Variants in SNRNP200 observed in about 807,000 individuals in gnomAD.
SNRNP200 encodes the protein small nuclear ribonucleoprotein U5 subunit 200.
Under a neutral mutation model 255.2 loss-of-function variants are expected in SNRNP200, and 66 were observed. The observed-to-expected ratio is 0.26, with a 90% CI of 0.21 to 0.32. The LOEUF (loss-of-function observed/expected upper bound fraction) is 0.32. SNRNP200 is among the 10% of genes least tolerant of loss of function. SNRNP200 has a pLI of 1.00. For missense variants in SNRNP200, 1,585 were observed against 2,749.8 expected (o/e 0.58, Z 9.47); for synonymous variants, 939 against 1,027.8 (o/e 0.91, Z 1.65).
chr2:96,295,737 G>A (rs1293313079), intron 13 of SNRNP200, 79 bp from the exon 14 acceptor site: 3 of 1,475,812 alleles, frequency 2.0e-6, no homozygotes, highest in Non-Finnish European at 2.8e-6. Context: ...CAATTGGAGT[G>A]TAGGGCATTG....
rs1285571562 is a variant in SNRNP200 at position 96,275,305 on chromosome 2, G to A, written c.6219C>T (p.Ser2073=). Residue 2073 remains serine, a synonymous_variant, in exon 44 of 45, where the codon TCC becomes TCT. Coordinates refer to ENST00000323853, the MANE Select transcript of SNRNP200 (RefSeq NM_014014.5). ...GCCTCTTGATGGAGATGAGGCTATT[G>A]GACTTGGCATCTCCAATCACCACCC... The part of the protein sequence containing the change: ...GWWVVIGDAK[S]NSLISIKRLT... 2.5e-6 allele frequency: 4 copies of A among 1,613,834 alleles called. No homozygotes were observed. The highest frequency in any genetic ancestry group is 2.7e-5 in the African/African-American group (2 of 74,906).
chr2:96,293,262 G>A (rs968507445), intron 15 of SNRNP200, 54 bp downstream of exon 15: 2 of 1,591,362 alleles, frequency 1.3e-6, no homozygotes, highest in African/African-American at 2.7e-5. Context: ...TGGAAAAGAG[G>A]AAAGAGAGCA....
At chr2:96,303,422 G>C (rs1663223411) in intron 2 of SNRNP200, 92 bp from the exon 3 acceptor site, 3 of 1,450,114 alleles carry the variant, frequency 2.1e-6, no homozygotes, top group Middle Eastern at 2.2e-4. Flanking sequence ...TCAGCTTCAT[G>C]GCAAGAAGTT....
Position 96,287,688 on chromosome 2 carries a change from C to G in SNRNP200, c.3366-131G>C. ...ATTAAAGGCAGACACTGACACTGTG[C>G]CAGCCCTGGCCTCCACCACAGAGGG... On this transcript the variant is annotated intron_variant, in intron 25 of 44. Coordinates refer to ENST00000323853, the MANE Select transcript of SNRNP200 (RefSeq NM_014014.5). The surrounding 1 kb of genome is among the most constrained non-coding windows in gnomAD (Gnocchi z 5.7). 1.1e-6 allele frequency: 1 copy of G among 912,658 alleles called. No individual in the cohort carries two copies. Among genetic ancestry groups the G allele is most frequent in the South Asian group, 1.3e-5 (1 of 76,126 alleles). 56.5% of individuals were successfully genotyped at this position (912,658 alleles called of 1,614,324 possible). A position where few individuals can be genotyped will look rare whatever the true frequency, so the allele number is the denominator to read the frequency against.
At position 96,284,464 on chromosome 2, in the gene SNRNP200, G is replaced by A; in HGVS notation, c.4286C>T (p.Pro1429Leu). Residue 1429 changes from proline to leucine, a missense_variant, in exon 31 of 45, where the codon CCT becomes CTT. This residue lies in a region of SNRNP200 where 719 missense variants were observed against 1,091.1 expected (regional missense o/e 0.66). Transcript: ENST00000323853. Reference protein sequence around the residue: ...LGKGNIIISTPEKWDILSRRW... With the variant: ...LGKGNIIISTLEKWDILSRRW... ...CCGGGAAAGTATGTCCCACTTCTCA[G>A]GGGTGCTGATGATAATGTTCCCTTT... is the stretch of plus-strand genomic sequence containing the variant. 1 of 1,614,204 alleles carries A rather than the reference G, an allele frequency of 6.2e-7. No homozygotes were observed. The highest frequency in any genetic ancestry group is 8.5e-7 in the Non-Finnish European group (1 of 1,180,034).
Position 96,292,963 on chromosome 2 carries a change from C to A in SNRNP200, c.2160+9G>T, listed in dbSNP as rs750311572. 5 of 1,613,794 alleles carry A rather than the reference C, an allele frequency of 3.1e-6. No homozygotes were observed. The highest frequency in any genetic ancestry group is 1.3e-5 in the African/African-American group (1 of 74,902). On this transcript the variant is annotated intron_variant, in intron 16 of 44. Coordinates refer to ENST00000323853, the MANE Select transcript of SNRNP200 (RefSeq NM_014014.5). ...GGGGTTCAAGAGTAACCATAAACCA[C>A]GGGCAAACCTGATTTTTTCCAGCAT...
At chr2:96,275,484 A>T (rs903198848) in intron 43 of SNRNP200, 135 bp from the exon 44 acceptor site, 1 of 782,532 alleles carries the variant, frequency 1.3e-6, no homozygotes, top group Non-Finnish European at 2.2e-6. Context: ...ATACAATTAG[A>T]TTTAACATTT....
Position 96,297,394 on chromosome 2 carries a change from G to C in SNRNP200, c.1346C>G (p.Ala449Gly). The change falls in exon 11 of 45, where the codon GCT becomes GGT. Residue 449 changes from alanine to glycine, a missense_variant. Ala to Gly is a moderately conservative substitution (Grantham distance 60). Coordinates refer to ENST00000323853, the MANE Select transcript of SNRNP200 (RefSeq NM_014014.5). Reference protein sequence around the residue: ...RKGYEEVHVPALKPKPFGSEE... With the variant: ...RKGYEEVHVPGLKPKPFGSEE... ...TGAGCCAAAGGGCTTGGGCTTCAGA[G>C]CAGGCACATGCACCTCTTCATAGCC... 1 of 1,614,058 alleles carries C rather than the reference G, an allele frequency of 6.2e-7. No homozygotes were observed. The highest frequency in any genetic ancestry group is 8.5e-7 in the Non-Finnish European group (1 of 1,180,044).
chr2:96,293,091 G>A lies in SNRNP200; in HGVS notation c.2041C>T (p.Arg681Cys), dbSNP rs959069360. Residue 681 changes from arginine to cysteine, a missense_variant, in exon 16 of 45, where the codon CGT (arginine) becomes TGT (cysteine). By Grantham distance (180) the Arg-to-Cys change is radical (BLOSUM62 -3). This residue lies in a region of SNRNP200 where 140 missense variants were observed against 274.9 expected (regional missense o/e 0.51). Transcript: ENST00000323853. Reference protein sequence around the residue: ...KGLFYFDNSFRPVPLEQTYVG... With the variant: ...KGLFYFDNSFCPVPLEQTYVG... ...TATGTCTGTTCCAGAGGCACTGGAC[G>A]GAAGCTAGAAGTTCAACAGTTAGAC... 1 of 1,614,130 alleles carries A rather than the reference G, an allele frequency of 6.2e-7. No homozygotes were observed.
At position 96,283,472 on chromosome 2, in the gene SNRNP200, C is replaced by G; in HGVS notation, c.4763+63G>C. On this transcript the variant is annotated intron_variant, in intron 33 of 44. Coordinates refer to ENST00000323853, the MANE Select transcript of SNRNP200 (RefSeq NM_014014.5). The surrounding 1 kb of genome is among the most constrained non-coding windows in gnomAD (Gnocchi z 4.7). ...TAACCCCACCCTCATAAAGAGGACACCCTTGGAGTAGGCCAGCCTCACTTA... is the reference window on the plus strand; with the variant it reads ...TAACCCCACCCTCATAAAGAGGACAGCCTTGGAGTAGGCCAGCCTCACTTA... 1 of 1,613,016 alleles carries G rather than the reference C, an allele frequency of 6.2e-7. No homozygotes were observed. The highest frequency in any genetic ancestry group is 8.5e-7 in the Non-Finnish European group (1 of 1,179,268).
At chr2:96,279,642 A>T (rs747283772) in intron 35 of SNRNP200, 83 bp from the exon 36 acceptor site, 25 of 838,416 alleles carry the variant, frequency 3.0e-5, no homozygotes, top group Non-Finnish European at 4.4e-5. Context: ...TTCGCCAAGT[A>T]AGAGTAAAAT....
chr2:96,283,509 AC>A lies in SNRNP200; in HGVS notation c.4763+25del. 6.2e-7 allele frequency: 1 copy of A among 1,608,960 alleles called. No homozygotes were observed. The stretch of plus-strand genomic sequence containing the variant: ...GCCAGCCTCACTTAACCTAACCCCA[AC>A]CCCCAGACGCCAGGCCCCACCTACC... On this transcript the variant is annotated intron_variant, in intron 33 of 44. Coordinates refer to ENST00000323853, the MANE Select transcript of SNRNP200 (RefSeq NM_014014.5). The surrounding 1 kb of genome is among the most constrained non-coding windows in gnomAD (Gnocchi z 4.7).
chr2:96,299,210 A>C lies in SNRNP200; in HGVS notation c.729+119T>G. On this transcript the variant is annotated intron_variant, in intron 6 of 44. Coordinates refer to ENST00000323853, the MANE Select transcript of SNRNP200 (RefSeq NM_014014.5). Reference sequence around the variant, plus strand: ...AAGAAACTCTAGACACTAAGTGTTTATTATAGTTCACTCCAGCAAAAAGTG... The same window carrying C: ...AAGAAACTCTAGACACTAAGTGTTTCTTATAGTTCACTCCAGCAAAAAGTG... 5 of 1,022,014 alleles carry C rather than the reference A, an allele frequency of 4.9e-6. No individual in the cohort carries two copies. In the East Asian group the frequency reaches 1.2e-4, roughly 24 times the overall value. 63.3% of individuals were successfully genotyped at this position (1,022,014 alleles called of 1,614,324 possible).
chr2:96,278,763 CTG>C lies in SNRNP200; in HGVS notation c.5323+44_5323+45del. The C allele has an allele frequency of 6.2e-7, 1 of 1,614,198 alleles. No individual in the cohort carries two copies. The highest frequency in any genetic ancestry group is 2.2e-5 in the East Asian group (1 of 44,882). ...GCCTCAAGAAGATGCCCAGCAAAGACTGTGAGAACCACCAAAGGATCACGTGT... is the reference window on the plus strand; with the variant it reads ...GCCTCAAGAAGATGCCCAGCAAAGACTGAGAACCACCAAAGGATCACGTGT... On this transcript the variant is annotated intron_variant, in intron 37 of 44. Coordinates refer to ENST00000323853, the MANE Select transcript of SNRNP200 (RefSeq NM_014014.5). This position sits in a 1 kb window ranked among gnomAD's most constrained non-coding sequence, Gnocchi z 6.9.
In SNRNP200 at chr2:96,290,025, A is replaced by T; in HGVS notation, c.2743-29T>A. 10 of 1,607,996 alleles carry T rather than the reference A, an allele frequency of 6.2e-6. No individual in the cohort carries two copies. The highest frequency in any genetic ancestry group is 8.5e-6 in the Non-Finnish European group (10 of 1,174,446). ...CAAGACACAGCTCATGGTTCTTAGC[A>T]TGGAGAAACTCTTGATGTCCAAATG... On this transcript the variant is annotated intron_variant, in intron 20 of 44. Coordinates refer to ENST00000323853, the MANE Select transcript of SNRNP200 (RefSeq NM_014014.5). The surrounding 1 kb of genome is among the most constrained non-coding windows in gnomAD (Gnocchi z 4.5).
Position 96,304,748 on chromosome 2 carries a change from C to A in SNRNP200, c.166G>T (p.Ala56Ser). Residue 56 changes from alanine to serine, a missense_variant, in exon 2 of 45, where the codon GCT (alanine) becomes TCT (serine). By Grantham distance (99) the Ala-to-Ser change is moderately conservative. Around this residue, in one of 9 missense-constraint regions of SNRNP200, gnomAD observed 383 missense variants for 645.3 expected, o/e 0.59. Coordinates refer to ENST00000323853, the MANE Select transcript of SNRNP200 (RefSeq NM_014014.5). Reference protein sequence around the residue: ...KLEGTRMGDKAQRTKPQMQEE... With the variant: ...KLEGTRMGDKSQRTKPQMQEE... ...TGCATCTGCGGTTTGGTCCGTTGAGCCTTGTCTCCCATACGGGTGCCCTCC... is the reference window on the plus strand; with the variant it reads ...TGCATCTGCGGTTTGGTCCGTTGAGACTTGTCTCCCATACGGGTGCCCTCC... 4.3e-6 allele frequency: 7 copies of A among 1,614,218 alleles called. No homozygotes were observed. Among genetic ancestry groups the A allele is most frequent in the Non-Finnish European group, 5.1e-6 (6 of 1,180,020 alleles).
At chr2:96,298,213 T>A in intron 9 of SNRNP200, 71 bp downstream of exon 9, 2 of 1,603,550 alleles carry the variant, frequency 1.2e-6, no homozygotes, top group Non-Finnish European at 1.7e-6. Flanking sequence ...AACATGAATT[T>A]AGCTTCATGC....
In SNRNP200 at chr2:96,275,284, C is replaced by T. The variant is rs773825003; in HGVS notation, c.6240G>A (p.Lys2080=). The T allele has an allele frequency of 6.2e-6, 10 of 1,614,074 alleles. No homozygotes were observed. Among genetic ancestry groups the T allele is most frequent in the African/African-American group, 1.3e-5 (1 of 74,936 alleles). The change falls in exon 44 of 45, where the codon AAG becomes AAA. Residue 2080 remains lysine, a synonymous_variant. Transcript: ENST00000323853. ...DAKSNSLISI[K]RLTLQQKAKV... ...TGGCCTTCTGCTGCAAGGTCAGCCT[C>T]TTGATGGAGATGAGGCTATTGGACT...
chr2:96,289,441 G>C, intron 21 of SNRNP200, 62 bp from the exon 22 acceptor site: 3 of 1,565,006 alleles, frequency 1.9e-6, no homozygotes, highest in Non-Finnish European at 1.8e-6. Context: ...TCTAACTGTG[G>C]ACCATAAGTT....
Sources: allele counts gnomAD v4.1 joint callset, GRCh38; gene constraint gnomAD v4.1.1; regional missense constraint gnomAD v4.1.1; non-coding constraint Gnocchi (gnomAD v3.1); transcripts MANE v1.5; gene names NCBI Gene and HGNC (gene_info 2026-07-23, HGNC 2026-07-21).